The following RIF1 variants were observed in gnomAD, a reference collection of about 807,000 sequenced individuals.
The protein encoded by RIF1 is replication timing regulatory factor 1.
Under a neutral mutation model 247.1 loss-of-function variants are expected in RIF1, and 45 were observed. The ratio of observed to expected loss-of-function variants is 0.18; its 90% CI spans 0.14 to 0.23. RIF1 has a LOEUF of 0.23. RIF1 is among the 10% of genes least tolerant of loss of function. RIF1 has a pLI of 1.00. For synonymous variants in RIF1, 1,087 were observed against 978.8 expected, an observed-to-expected ratio of 1.11 and a Z score of -2.06; for missense variants, 2,967 against 2,862.5, an observed-to-expected ratio of 1.04 and a Z score of -0.83.
the RIF1 span, among the ~76,000 whole-genome samples, chr2:151,532,324 TG>T: frequency 6.6e-6 from 1 of 152,322 alleles, no homozygotes; most frequent in African/African-American, 2.4e-5. Context: ...GACTAGAACC[TG>T]TTCTCTGGAG....
Position 151,450,979 on chromosome 2 carries a change from G to A in RIF1, c.2245-627G>A, listed in dbSNP as rs570200881. 2.1e-4 allele frequency among the ~76,000 whole-genome samples: 32 copies of A among 152,284 alleles called. No homozygotes were observed. In the South Asian group the frequency reaches 6.6e-3, roughly 32 times the overall value. On this transcript the variant is annotated intron_variant, in intron 20 of 35. Coordinates refer to ENST00000444746, the MANE Select transcript of RIF1 (RefSeq NM_018151.5). ...ATTTGATAGAGAATCTGTGATCCTA[G>A]TATTTCCAATCTCAGTTTATTGGTT...
At chr2:151,516,505 G>A in the RIF1 span, 1 of 1,613,588 alleles carries the variant, frequency 6.2e-7, no homozygotes, top group Non-Finnish European at 8.5e-7. Flanking sequence ...GTACGTTGGT[G>A]TTTCAAAGTC....
rs1428535709 is a variant in RIF1 at position 151,498,357 on chromosome 2, A to G, written c.*514-988A>G. The G allele has an allele frequency of 7.2e-6, 11 of 1,537,982 alleles. No homozygotes were observed. The highest frequency in any genetic ancestry group is 2.8e-5 in the African/African-American group (2 of 72,546). ...CAGGTTTTCTTTGTATAGCACCTGT[A>G]TGATGAGAAAGCATCCAGAACAAAA... is the stretch of plus-strand genomic sequence containing the variant. On this transcript the variant is annotated intron_variant and NMD_transcript_variant, in intron 10 of 13. Transcript: ENST00000454583.
intron 20 of RIF1, among the ~76,000 whole-genome samples, chr2:151,448,055 C>A (rs1263742060): frequency 6.7e-6 from 1 of 149,922 alleles, no homozygotes; most frequent in Non-Finnish European, 1.5e-5. Context: ...TTTTTTCTTG[C>A]CCCTGAGACA....
chr2:151,509,563 A>G (rs574720296), downstream of RIF1, among the ~76,000 whole-genome samples: 1 of 152,114 alleles, frequency 6.6e-6, no homozygotes, highest in South Asian at 2.1e-4. Flanking sequence ...TTGGACTGCT[A>G]TTTCTCGTGG....
At chr2:151,512,596 G>C (rs1448324258), downstream of RIF1, 7 of 715,430 alleles carry the variant, frequency 9.8e-6, no homozygotes, top group Admixed American at 1.5e-4. Context: ...ATACAGACGT[G>C]AGCCACTGCA....
In RIF1 at chr2:151,433,202, C is replaced by T; in HGVS notation, c.1051C>T (p.Pro351Ser). 6.2e-7 allele frequency: 1 copy of T among 1,612,360 alleles called. No homozygotes were observed. The highest frequency in any genetic ancestry group is 8.5e-7 in the Non-Finnish European group (1 of 1,178,806). The change falls in exon 10 of 36, where the codon CCT becomes TCT. Residue 351 changes from proline to serine, a missense_variant. Around this residue, in one of 7 missense-constraint regions of RIF1, gnomAD observed 71 missense variants for 132.9 expected, o/e 0.53. Transcript: ENST00000444746. ...GTGGTATTTACTGATGAGACTTGGACCTCATCTTCCTGCTAATTTTGAACA... is the reference window on the plus strand; with the variant it reads ...GTGGTATTTACTGATGAGACTTGGATCTCATCTTCCTGCTAATTTTGAACA... ...VWWYLLMRLG[P>S]HLPANFEQVC...
At chr2:151,509,831 A>G (rs2072626449), downstream of RIF1, among the ~76,000 whole-genome samples, 1 of 152,080 alleles carries the variant, frequency 6.6e-6, no homozygotes, top group South Asian at 2.1e-4. Context: ...GATGGTCTCA[A>G]TCTCCTGACC....
rs1271389950 is a variant in RIF1, at chr2:151,457,946, T to G, written c.2838T>G (p.Val946=). Residue 946 remains valine, a synonymous_variant, in exon 24 of 36, where the codon GTT becomes GTG. Coordinates refer to ENST00000444746, the MANE Select transcript of RIF1 (RefSeq NM_018151.5). ...NATFAKVMML[V]YPEELKPVLT... Reference sequence around the variant, plus strand: ...CTTTTGCCAAAGTGATGATGTTGGTTTATCCTGAAGAGTTAAAGTATGCTA... The same window carrying G: ...CTTTTGCCAAAGTGATGATGTTGGTGTATCCTGAAGAGTTAAAGTATGCTA... The G allele has an allele frequency of 6.2e-7, 1 of 1,613,532 alleles. No individual in the cohort carries two copies. The highest frequency in any genetic ancestry group is 8.5e-7 in the Non-Finnish European group (1 of 1,179,622).
chr2:151,464,267 C>G lies in RIF1; in HGVS notation c.4747C>G (p.Gln1583Glu), dbSNP rs200066072. Residue 1583 changes from glutamine to glutamate, a missense_variant, in exon 30 of 36, where the codon CAA (glutamine) becomes GAA (glutamate). Physicochemically the swap from Gln to Glu is conservative, Grantham distance 29. Around this residue, in one of 7 missense-constraint regions of RIF1, gnomAD observed 2,028 missense variants for 1,825.6 expected, o/e 1.11. Transcript: ENST00000444746. Reference sequence around the variant, plus strand: ...CAAAAGCAATGAAAGTGTTGACATTCAAGATCAAGAAGAGAAAGTGGTGAA... The same window carrying G: ...CAAAAGCAATGAAAGTGTTGACATTGAAGATCAAGAAGAGAAAGTGGTGAA... Reference protein sequence around the residue: ...KNKSNESVDIQDQEEKVVKQE... With the variant: ...KNKSNESVDIEDQEEKVVKQE... The G allele has an allele frequency of 4.3e-6, 7 of 1,613,790 alleles. No homozygotes were observed. The highest frequency in any genetic ancestry group is 5.9e-6 in the Non-Finnish European group (7 of 1,179,936).
rs761765688 is a variant in RIF1, at chr2:151,464,160, C to T, written c.4640C>T (p.Ser1547Phe). ...AGAAGAGCATCTCAGGGTTTGCTTT[C>T]CAGCATTGAAAACTCAGAATCTGAT... ...QTRRASQGLL[S>F]SIENSESDSS... is the part of the protein sequence containing the mutation. The change falls in exon 30 of 36, where the codon TCC becomes TTC. Residue 1547 changes from serine (S) to phenylalanine (F), a missense_variant. Physicochemically the swap from Ser to Phe is radical, Grantham distance 155. Transcript: ENST00000444746. The T allele has an allele frequency of 1.2e-6, 2 of 1,609,560 alleles. No individual in the cohort carries two copies. Among genetic ancestry groups the T allele is most frequent in the South Asian group, 1.1e-5 (1 of 90,012 alleles).
Position 151,478,772 on chromosome 2 carries a change from C to G in RIF1, c.*3701C>G, listed in dbSNP as rs1277036542. 1 of 151,636 alleles carries G rather than the reference C, an allele frequency of 6.6e-6. No homozygotes were observed. The highest frequency in any genetic ancestry group is 1.9e-4 in the East Asian group (1 of 5,186). The allele number at this position is 151,636 out of a possible 1,614,324, so 9.4% of individuals were successfully genotyped here. A position where few individuals can be genotyped will look rare whatever the true frequency, so the allele number is the denominator to read the frequency against. On this transcript the variant is annotated 3_prime_UTR_variant, in exon 36 of 36. Transcript: ENST00000444746. ...TTGACTTTAATTCAGTAAGAAAGGC[C>G]TAGGTTTCATCTCATATTCTTCATA... is the stretch of plus-strand genomic sequence containing the variant.
At chr2:151,509,615 T>G (rs190601529), downstream of RIF1, among the ~76,000 whole-genome samples, 54 of 151,254 alleles carry the variant, frequency 3.6e-4, no homozygotes, top group East Asian at 8.0e-3. Flanking sequence ...GAAGAGAGGT[T>G]TTTTTTTTGT....
intron 20 of RIF1, among the ~76,000 whole-genome samples, chr2:151,449,966 C>A (rs1318941868): frequency 6.6e-6 from 1 of 151,938 alleles, no homozygotes; most frequent in Non-Finnish European, 1.5e-5. Flanking sequence ...CTTAGCCTCC[C>A]TAGTAGCTGG....
In RIF1 at chr2:151,463,450, G is replaced by A. The variant is rs149064623; in HGVS notation, c.3930G>A (p.Pro1310=). The A allele has an allele frequency of 3.2e-4, 517 of 1,613,856 alleles. 1 individual carries two copies. The African/African-American group carries it at 4.9e-3, about 15-fold the overall frequency. The change falls in exon 30 of 36, where the codon CCG becomes CCA. Residue 1310 remains proline (P), a synonymous_variant. Coordinates refer to ENST00000444746, the MANE Select transcript of RIF1 (RefSeq NM_018151.5). The part of the protein sequence containing the change: ...KRSKPLMRSE[P]EKNTEESVEG... ...CTAAGCCCTTAATGAGATCTGAGCC[G>A]GAGAAAAATACTGAGGAATCTGTTG...
intron 34 of RIF1, among the ~76,000 whole-genome samples, chr2:151,472,832 C>G (rs960157642): frequency 6.6e-6 from 1 of 152,008 alleles, no homozygotes; most frequent in East Asian, 1.9e-4. Flanking sequence ...CTAAAAATCT[C>G]TTTTTTTGTT....
chr2:151,415,586 G>A (rs1250555455), intron 4 of RIF1, among the ~76,000 whole-genome samples: 858 of 9,614 alleles, frequency 0.089, 11 homozygotes, highest in Non-Finnish European at 0.35. Flanking sequence ...AAAAAAAAAA[G>A]GATATTGCTG....
Position 151,458,850 on chromosome 2 carries a change from G to C in RIF1, c.2895G>C (p.Leu965=). The part of the protein sequence containing the change: ...LTQAKQKFLL[L]LPGLETVEMM... ...AAGCCAAACAAAAATTTCTGCTCCT[G>C]TTGCCTGGTTTGGAAACTGTTGAAA... Residue 965 remains leucine, a synonymous_variant, in exon 25 of 36, where the codon CTG becomes CTC. Transcript: ENST00000444746. The C allele has an allele frequency of 6.2e-7, 1 of 1,613,238 alleles. No homozygotes were observed. The highest frequency in any genetic ancestry group is 8.5e-7 in the Non-Finnish European group (1 of 1,179,554).
At chr2:151,531,308 C>CTTTTT in the RIF1 span, among the ~76,000 whole-genome samples, 5 of 84,010 alleles carry the variant, frequency 6.0e-5, no homozygotes, top group African/African-American at 1.3e-4. Flanking sequence ...TTTTTTCTTT[C>CTTTTT]TTTTTTTTTT....
Sources: gnomAD v4.1 joint callset for allele counts (sites outside exome capture counted in the v4.1 genomes callset) on GRCh38, gnomAD v4.1.1 for gene constraint, gnomAD v4.1.1 regional missense constraint, MANE v1.5 for transcripts, NCBI Gene and HGNC (gene_info 2026-07-23, HGNC 2026-07-21) for gene names.